The following C3orf20 variants were observed in gnomAD, a reference collection of about 807,000 sequenced individuals.
The protein encoded by C3orf20 is family with sequence similarity 149 member C, also known as uncharacterized protein C3orf20.
C3orf20 carries 76 observed loss-of-function variants against 88.3 expected under a neutral mutation model. The observed-to-expected ratio is 0.86, with a 90% CI of 0.72 to 1.04. C3orf20 has a LOEUF of 1.04. Among genes scored for constraint, C3orf20 ranks in the 50% least tolerant of loss-of-function variants. The probability of loss-of-function intolerance (pLI) is 0.00; values close to 1 mark genes in which losing one functional copy is unlikely to be tolerated. For synonymous variants in C3orf20, 436 were observed against 437.4 expected (o/e 1.00, Z 0.04); for missense variants, 1,056 against 1,123.3 (o/e 0.94, Z 0.86).
Position 14,772,285 on chromosome 3 carries a change from C to T in C3orf20, c.2630+84C>T. The T allele has an allele frequency of 6.4e-7, 1 of 1,557,670 alleles. No individual in the cohort carries two copies. Among genetic ancestry groups the T allele is most frequent in the Non-Finnish European group, 8.8e-7 (1 of 1,135,102 alleles). On this transcript the variant is annotated intron_variant, in intron 16 of 16. Transcript: ENST00000253697. This position sits in a 1 kb window ranked among gnomAD's most constrained non-coding sequence, Gnocchi z 4.2. ...TATTTGGCCTTGGGCAAGTCACTAC[C>T]CCCAGGCGTGGCCTGGGTCATGTCC... is the stretch of plus-strand genomic sequence containing the variant.
chr3:14,767,843 C>A (rs928042229), intron 15 of C3orf20, among the ~76,000 whole-genome samples: 3 of 152,248 alleles, frequency 2.0e-5, no homozygotes, highest in Non-Finnish European at 4.4e-5. Context: ...CTACTGTGAG[C>A]CCCGTAAAGT....
chr3:14,771,979 G>T, intron 15 of C3orf20, 88 bp from the exon 16 acceptor site: 1 of 1,532,690 alleles, frequency 6.5e-7, no homozygotes, highest in Non-Finnish European at 8.9e-7. Flanking sequence ...TTGTGTCCTT[G>T]TCTGTCCAGG....
chr3:14,760,486 C>T (rs1168985224), intron 14 of C3orf20, among the ~76,000 whole-genome samples: 1 of 152,114 alleles, frequency 6.6e-6, no homozygotes, highest in Non-Finnish European at 1.5e-5. Context: ...CCTTTGCAGT[C>T]CTTTTCTGCA....
intron 7 of C3orf20, among the ~76,000 whole-genome samples, chr3:14,705,577 T>A (rs1559409193): frequency 6.6e-6 from 1 of 152,182 alleles, no homozygotes; most frequent in Non-Finnish European, 1.5e-5. Flanking sequence ...GAGGGCTCCC[T>A]TTACAGAATG....
chr3:14,741,924 G>C (rs535143499), intron 12 of C3orf20, among the ~76,000 whole-genome samples: 17 of 152,294 alleles, frequency 1.1e-4, no homozygotes, highest in African/African-American at 3.6e-4. Flanking sequence ...TTCATAGAAA[G>C]GGGCAGTAAC....
chr3:14,718,575 G>T (rs2034025623), intron 9 of C3orf20, among the ~76,000 whole-genome samples: 1 of 152,132 alleles, frequency 6.6e-6, no homozygotes, highest in South Asian at 2.1e-4. Context: ...TTTGAAAACA[G>T]CTCACACTTC....
At chr3:14,744,616 G>C (rs1385514030) in intron 12 of C3orf20, among the ~76,000 whole-genome samples, 1 of 151,914 alleles carries the variant, frequency 6.6e-6, no homozygotes, top group African/African-American at 2.4e-5. Context: ...TCGAAACTGG[G>C]AATGAAAAAA....
rs558477726 is a variant in C3orf20 at position 14,744,249 on chromosome 3, A to G, written c.1941-13122A>G. ...TCTCTCTCAAGTTCAAAGTTCCACA[A>G]ATCTCTAGGGCAGGGGCAAAATGCT... On this transcript the variant is annotated intron_variant, in intron 12 of 16. Coordinates refer to ENST00000253697, the MANE Select transcript of C3orf20 (RefSeq NM_032137.5). Among the ~76,000 whole-genome samples, 164 of 152,098 alleles carry G rather than the reference A, an allele frequency of 1.1e-3. 2 individuals are homozygous for G. Among genetic ancestry groups the G allele is most frequent in the African/African-American group, 3.7e-3 (154 of 41,368 alleles).
chr3:14,715,980 ACTT>A lies in C3orf20; in HGVS notation c.1434+572_1434+574del, dbSNP rs918240177. 2.3e-5 allele frequency among the ~76,000 whole-genome samples: 3 copies of A among 129,226 alleles called. No homozygotes were observed. The Admixed American group carries it at 2.4e-4, about 10-fold the overall frequency. The allele number at this position is 129,226 out of a possible 152,430, so 84.8% of individuals were successfully genotyped here. A position where few individuals can be genotyped will look rare whatever the true frequency, so the allele number is the denominator to read the frequency against. ...TGAATTATTAATAATAAATTAATAA[ACTT>A]ATTAATAAAGCAACTAACTGTGCTT... On this transcript the variant is annotated intron_variant, in intron 9 of 16. Coordinates refer to ENST00000253697, the MANE Select transcript of C3orf20 (RefSeq NM_032137.5).
At chr3:14,748,359 A>T (rs930680912) in intron 12 of C3orf20, among the ~76,000 whole-genome samples, 2 of 152,032 alleles carry the variant, frequency 1.3e-5, no homozygotes, top group African/African-American at 4.8e-5. Flanking sequence ...TTTCTCTTTT[A>T]GTCAGTCTAG....
chr3:14,767,946 A>T (rs1039963377), intron 15 of C3orf20, among the ~76,000 whole-genome samples: 3 of 152,260 alleles, frequency 2.0e-5, no homozygotes, highest in African/African-American at 7.2e-5. Context: ...TAAACCGTCA[A>T]GGGCTCTGTG....
intron 12 of C3orf20, among the ~76,000 whole-genome samples, chr3:14,735,444 A>G (rs1299811574): frequency 6.6e-6 from 1 of 152,178 alleles, no homozygotes; most frequent in Non-Finnish European, 1.5e-5. Context: ...ATTAATTACT[A>G]AAGTATAATA....
intron 4 of C3orf20, among the ~76,000 whole-genome samples, chr3:14,689,555 A>T (rs752964963): frequency 2.6e-5 from 4 of 152,164 alleles, no homozygotes; most frequent in African/African-American, 7.2e-5. Flanking sequence ...TCTATAAAAG[A>T]TGGTGTGATT....
rs17320277 is a variant in C3orf20 at position 14,682,217 on chromosome 3, A to G, written c.-251A>G. On this transcript the variant is annotated 5_prime_UTR_variant, in exon 2 of 17. Transcript: ENST00000253697. Reference sequence around the variant, plus strand: ...TGCCCATCTTGGCATTGCGACCAGGAGCTTCTGCATCCCTTGCTTCCAAAG... The same window carrying G: ...TGCCCATCTTGGCATTGCGACCAGGGGCTTCTGCATCCCTTGCTTCCAAAG... The G allele has an allele frequency of 0.021, 3,345 of 157,194 alleles. 54 individuals are homozygous for G. The highest frequency in any genetic ancestry group is 0.033 in the Non-Finnish European group (2,311 of 70,868). 9.7% of individuals were successfully genotyped at this position (157,194 alleles called of 1,614,324 possible). A position where few individuals can be genotyped will look rare whatever the true frequency, so the allele number is the denominator to read the frequency against.
At chr3:14,733,393 A>G (rs976591668) in intron 12 of C3orf20, among the ~76,000 whole-genome samples, 3 of 152,152 alleles carry the variant, frequency 2.0e-5, no homozygotes, top group African/African-American at 7.2e-5. Flanking sequence ...ATCTGTGCTT[A>G]TAAGGTAGAC....
intron 14 of C3orf20, 148 bp downstream of exon 14, chr3:14,760,146 G>C (rs1183100241): frequency 2.9e-6 from 2 of 688,362 alleles, no homozygotes; most frequent in Non-Finnish European, 5.1e-6. Context: ...CTGAGGCCCA[G>C]AGAGCAGGAA....
At chr3:14,724,513 T>A (rs1377913723) in intron 10 of C3orf20, among the ~76,000 whole-genome samples, 2 of 152,200 alleles carry the variant, frequency 1.3e-5, no homozygotes, top group Non-Finnish European at 2.9e-5. Flanking sequence ...AGCTGTGCTG[T>A]CCAATATTGT....
intron 1 of C3orf20, among the ~76,000 whole-genome samples, chr3:14,675,902 G>T (rs1037186491): frequency 6.6e-6 from 1 of 152,036 alleles, no homozygotes; most frequent in South Asian, 2.1e-4. Flanking sequence ...ATGTTGGCCA[G>T]GCTGGTCTCG....
chr3:14,714,010 T>C lies in C3orf20; in HGVS notation c.1164T>C (p.Tyr388=). 1 of 1,614,062 alleles carries C rather than the reference T, an allele frequency of 6.2e-7. No individual in the cohort carries two copies. The highest frequency in any genetic ancestry group is 1.1e-5 in the South Asian group (1 of 91,074). ...TFYDGSSFVY[Y]PSGNVAVCQI... Reference sequence around the variant, plus strand: ...TCTACCTGAACATTTCTGCCAGCTATCCCTCTGGAAACGTCGCTGTATGTC... The same window carrying C: ...TCTACCTGAACATTTCTGCCAGCTACCCCTCTGGAAACGTCGCTGTATGTC... Residue 388 remains tyrosine (Y), a synonymous_variant, in exon 8 of 17, where the codon TAT becomes TAC. Transcript: ENST00000253697.
Sources: gnomAD v4.1 joint callset for allele counts (sites outside exome capture counted in the v4.1 genomes callset) on GRCh38, gnomAD v4.1.1 for gene constraint, Gnocchi (gnomAD v3.1) non-coding constraint, MANE v1.5 for transcripts, NCBI Gene and HGNC (gene_info 2026-07-23, HGNC 2026-07-21) for gene names.